Variants in KIF5A observed in about 807,000 individuals in gnomAD.
KIF5A encodes the protein kinesin family member 5A.
In KIF5A, 35 loss-of-function variants were observed where a neutral mutation model predicts 141.3. That is an observed-to-expected ratio of 0.25 (90% CI 0.19 to 0.33). The LOEUF (loss-of-function observed/expected upper bound fraction) is 0.33. Ranked by LOEUF, KIF5A falls within the 10% of genes least tolerant of loss-of-function variation. The pLI is 1.00. For synonymous variants in KIF5A, 448 were observed against 500.2 expected, an observed-to-expected ratio of 0.90 and a Z score of 1.39; for missense variants, 861 against 1,314.3, an observed-to-expected ratio of 0.66 and a Z score of 5.33.
In KIF5A at chr12:57,578,226, A is replaced by G. The variant is rs761182290; in HGVS notation, c.2434-12A>G. 22 of 1,610,278 alleles carry G rather than the reference A, an allele frequency of 1.4e-5. No individual in the cohort carries two copies. Among genetic ancestry groups the G allele is most frequent in the South Asian group, 2.2e-5 (2 of 90,988 alleles). On this transcript the variant is annotated splice_polypyrimidine_tract_variant and intron_variant, in intron 22 of 28. Transcript: ENST00000455537. ...TCAGGACAGCCACGTCTTTCCTTCT[A>G]TCTGTTCTCAGAGTGCAGAAATGGA... is the stretch of plus-strand genomic sequence containing the variant.
At chr12:57,559,315 A>G (rs751328895) in intron 1 of KIF5A, among the ~76,000 whole-genome samples, 5 of 152,196 alleles carry the variant, frequency 3.3e-5, no homozygotes, top group Non-Finnish European at 5.9e-5. Context: ...TCCAATTTCT[A>G]TGTACCCTCA....
intron 11 of KIF5A, 41 bp from the exon 12 acceptor site, chr12:57,569,943 GCTT>G (rs748002324): frequency 6.2e-5 from 99 of 1,599,668 alleles, no homozygotes; most frequent in Non-Finnish European, 8.4e-5. Context: ...CGTGGATGCA[GCTT>G]CTTCTTCTTC....
rs1565701992 is a variant in KIF5A at position 57,575,669 on chromosome 12, A to G, written c.1935A>G (p.Glu645=). 4 of 1,614,048 alleles carry G rather than the reference A, an allele frequency of 2.5e-6. No individual in the cohort carries two copies. The East Asian group carries it at 8.9e-5, about 36-fold the overall frequency. The change falls in exon 17 of 29, where the codon GAA becomes GAG. Residue 645 remains glutamate (E), a synonymous_variant. Coordinates refer to ENST00000455537, the MANE Select transcript of KIF5A (RefSeq NM_004984.4). The part of the protein sequence containing the change: ...QHEAKIRSLT[E]YMQSVELKKR... ...AGGCCAAGATCCGCTCGCTTACGGA[A>G]TACATGCAGAGCGTGGAGCTAAAGA...
chr12:57,556,074 A>G (rs929552809), intron 1 of KIF5A, among the ~76,000 whole-genome samples: 1 of 152,012 alleles, frequency 6.6e-6, no homozygotes, highest in Non-Finnish European at 1.5e-5. Context: ...TCCTGAAATC[A>G]TATCTCATGT....
At chr12:57,580,798 C>T (rs550701580) in intron 23 of KIF5A, among the ~76,000 whole-genome samples, 158 bp from the exon 24 acceptor site, 2 of 152,290 alleles carry the variant, frequency 1.3e-5, no homozygotes, top group East Asian at 3.9e-4. Context: ...TACATAAAGG[C>T]AATGAGGCCT....
chr12:57,562,642 C>T (rs1258780345), intron 1 of KIF5A, among the ~76,000 whole-genome samples: 1 of 152,162 alleles, frequency 6.6e-6, no homozygotes, highest in Non-Finnish European at 1.5e-5. Context: ...TCAGTGTAGA[C>T]TGAATTTCAT....
Position 57,585,515 on chromosome 12 carries a change from G to A in KIF5A, c.*1334G>A, listed in dbSNP as rs1391981261. On this transcript the variant is annotated 3_prime_UTR_variant, in exon 29 of 29. Transcript: ENST00000455537. ...TCCTTTCCTTCCACATGGTGCTAAGGTGGTTTTCTAGGTAACTGCAGGGAT... is the reference window on the plus strand; with the variant it reads ...TCCTTTCCTTCCACATGGTGCTAAGATGGTTTTCTAGGTAACTGCAGGGAT... The A allele has an allele frequency of 2.6e-5, 4 of 154,562 alleles. No homozygotes were observed. Among genetic ancestry groups the A allele is most frequent in the South Asian group, 2.0e-4 (1 of 4,924 alleles). 9.6% of individuals were successfully genotyped at this position (154,562 alleles called of 1,614,324 possible). A position where few individuals can be genotyped will look rare whatever the true frequency, so the allele number is the denominator to read the frequency against.
At chr12:57,561,441 G>A (rs368395675) in intron 1 of KIF5A, among the ~76,000 whole-genome samples, 1 of 152,008 alleles carries the variant, frequency 6.6e-6, no homozygotes, top group Non-Finnish European at 1.5e-5. Context: ...CTCCAGAAAG[G>A]TTCTATCAGT....
Position 57,581,884 on chromosome 12 carries a change from G to T in KIF5A, c.2924G>T (p.Cys975Phe), listed in dbSNP as rs1172218291. 1 of 1,613,920 alleles carries T rather than the reference G, an allele frequency of 6.2e-7. No homozygotes were observed. The change falls in exon 26 of 29, where the codon TGT becomes TTT. Residue 975 changes from cysteine to phenylalanine, a missense_variant. Cys to Phe is a radical substitution (Grantham distance 205). Transcript: ENST00000455537. Reference protein sequence around the residue: ...STSDMYFANSCTSSGATSSGG... With the variant: ...STSDMYFANSFTSSGATSSGG... ...GCTCCATCCAGCTTTGCAAACTCCTGTACCAGCAGTGGAGCCACATCTTCT... is the reference window on the plus strand; with the variant it reads ...GCTCCATCCAGCTTTGCAAACTCCTTTACCAGCAGTGGAGCCACATCTTCT...
intron 1 of KIF5A, among the ~76,000 whole-genome samples, chr12:57,557,257 A>T (rs78638304): frequency 0.12 from 17,117 of 140,706 alleles, 1,271 homozygotes; most frequent in Non-Finnish European, 0.19. Flanking sequence ...AAAGGAAATT[A>T]AAAAAAAAAA....
rs1206226779 is a variant in KIF5A, at chr12:57,570,021, G to T, written c.1152G>T (p.Gly384=). The change falls in exon 12 of 29, where the codon GGG becomes GGT. Residue 384 remains glycine (G), a synonymous_variant. Transcript: ENST00000455537. The stretch of plus-strand genomic sequence containing the variant: ...TGCCTGAGACAGAGCGCCTGGCTGG[G>T]GAGGAGGCAGCCCTGGGAGCCGAGC... The part of the protein sequence containing the change: ...ENVPETERLA[G]EEAALGAELC... The T allele has an allele frequency of 1.9e-6, 3 of 1,613,594 alleles. No homozygotes were observed. In the African/African-American group the frequency reaches 4.0e-5, roughly 22 times the overall value.
At chr12:57,556,834 T>C (rs1000482550) in intron 1 of KIF5A, among the ~76,000 whole-genome samples, 4 of 152,190 alleles carry the variant, frequency 2.6e-5, no homozygotes, top group African/African-American at 9.6e-5. Context: ...CACATTTTTC[T>C]GCCTGTTTTA....
chr12:57,568,355 C>T (rs1371538545), intron 8 of KIF5A, among the ~76,000 whole-genome samples: 1 of 152,116 alleles, frequency 6.6e-6, no homozygotes, highest in Non-Finnish European at 1.5e-5. Context: ...CTCCATTGTC[C>T]CCTAACCCCA....
At position 57,550,085 on chromosome 12, in the gene KIF5A, C is replaced by T; in HGVS notation, c.-187C>T. 1.4e-6 allele frequency: 1 copy of T among 705,046 alleles called. No homozygotes were observed. The highest frequency in any genetic ancestry group is 1.7e-5 in the South Asian group (1 of 59,074). 43.7% of individuals were successfully genotyped at this position (705,046 alleles called of 1,614,324 possible). ...CCAGACGCCCAGGTCGCCCGCATCC[C>T]GCTGCCGCAGGAGAGAGACAGCGCG... is the stretch of plus-strand genomic sequence containing the variant. On this transcript the variant is annotated 5_prime_UTR_variant, in exon 1 of 29. Transcript: ENST00000455537. This position sits in a 1 kb window ranked among gnomAD's most constrained non-coding sequence, Gnocchi z 4.6.
At chr12:57,568,917 C>A (rs1340577061) in intron 8 of KIF5A, 46 bp from the exon 9 acceptor site, 1 of 1,332,998 alleles carries the variant, frequency 7.5e-7, no homozygotes, top group South Asian at 1.2e-5. Flanking sequence ...ACAGCCCTCT[C>A]CATGTGCAGC....
Position 57,572,197 on chromosome 12 carries a change from A to G in KIF5A, c.1499A>G (p.Gln500Arg), listed in dbSNP as rs758937106. The change falls in exon 14 of 29, where the codon CAG becomes CGG. Residue 500 changes from glutamine to arginine, a missense_variant. Transcript: ENST00000455537. This position sits in a 1 kb window ranked among gnomAD's most constrained non-coding sequence, Gnocchi z 4.2. ...ALEELAVNYD[Q>R]KSQEVEEKSQ... Reference sequence around the variant, plus strand: ...GAGGAGCTGGCTGTGAACTATGACCAGAAGTCCCAGGAGGTGGAGGAGAAG... The same window carrying G: ...GAGGAGCTGGCTGTGAACTATGACCGGAAGTCCCAGGAGGTGGAGGAGAAG... The G allele has an allele frequency of 6.2e-7, 1 of 1,613,428 alleles. No individual in the cohort carries two copies. Among genetic ancestry groups the G allele is most frequent in the East Asian group, 2.2e-5 (1 of 44,860 alleles).
In KIF5A at chr12:57,572,117, G is replaced by A. The variant is rs139091551; in HGVS notation, c.1419G>A (p.Leu473=). ...AGGTCCAGCGGGAGCTGAGCCACCT[G>A]CAATCAGAGAACGATGCCGCTAAGG... The part of the protein sequence containing the change: ...NEKVQRELSH[L]QSENDAAKDE... The change falls in exon 14 of 29, where the codon CTG becomes CTA. Residue 473 remains leucine (L), a synonymous_variant. Coordinates refer to ENST00000455537, the MANE Select transcript of KIF5A (RefSeq NM_004984.4). This position sits in a 1 kb window ranked among gnomAD's most constrained non-coding sequence, Gnocchi z 4.2. The A allele has an allele frequency of 1.7e-4, 276 of 1,614,166 alleles. No individual in the cohort carries two copies. The African/African-American group carries it at 2.8e-3, about 16-fold the overall frequency.
At position 57,577,756 on chromosome 12, in the gene KIF5A, G is replaced by T. The variant is rs1242302845; in HGVS notation, c.2344G>T (p.Gly782Cys). 2 of 1,613,876 alleles carry T rather than the reference G, an allele frequency of 1.2e-6. No individual in the cohort carries two copies. The highest frequency in any genetic ancestry group is 1.7e-6 in the Non-Finnish European group (2 of 1,179,774). The change falls in exon 21 of 29, where the codon GGT (glycine) becomes TGT (cysteine). Residue 782 changes from glycine (G) to cysteine (C), a missense_variant. Around this residue, in one of 5 missense-constraint regions of KIF5A, gnomAD observed 482 missense variants for 661.3 expected, o/e 0.73. Transcript: ENST00000455537. ...TGAGCAGTCCAAGCAGGACCTCAAG[G>T]GTCTGGAGGAGACAGTTGTGAGTGG... Reference protein sequence around the residue: ...RHEQSKQDLKGLEETVARELQ... With the variant: ...RHEQSKQDLKCLEETVARELQ...
intron 11 of KIF5A, 38 bp downstream of exon 11, chr12:57,569,721 A>G: frequency 1.2e-6 from 2 of 1,609,374 alleles, no homozygotes; most frequent in Non-Finnish European, 1.7e-6. Flanking sequence ...GGCAGTGGGA[A>G]GAGGAGGAGG....
Sources: gnomAD v4.1 joint callset for allele counts (sites outside exome capture counted in the v4.1 genomes callset) on GRCh38, gnomAD v4.1.1 for gene constraint, gnomAD v4.1.1 regional missense constraint, Gnocchi (gnomAD v3.1) non-coding constraint, MANE v1.5 for transcripts, NCBI Gene and HGNC (gene_info 2026-07-23, HGNC 2026-07-21) for gene names.